LRP6: variants seen among roughly 807,000 people sequenced by gnomAD.
LRP6 encodes low-density lipoprotein receptor-related protein 6.
A neutral mutation model predicts 184.1 loss-of-function variants in LRP6; 43 were observed. The observed-to-expected ratio is 0.23, with a 90% CI of 0.18 to 0.30. LRP6 has a LOEUF of 0.30. Among genes scored for constraint, LRP6 ranks in the 10% least tolerant of loss-of-function variants. LRP6 has a pLI of 1.00. For missense variants in LRP6, 1,571 were observed against 2,005.3 expected (o/e 0.78, Z 4.14); for synonymous variants, 719 against 684.9 (o/e 1.05, Z -0.78).
chr12:12,256,017 A>T (rs914629230), intron 1 of LRP6, among the ~76,000 whole-genome samples: 1 of 152,216 alleles, frequency 6.6e-6, no homozygotes, highest in African/African-American at 2.4e-5. Flanking sequence ...AATAAGGTAC[A>T]TACAGAAAGT....
Position 12,267,027 on chromosome 12 carries a change from G to T in LRP6, c.-292C>A, listed in dbSNP as rs980338068. ...GCTCCTCATTCAGCCTCTGCCTCGCGCAGCGGCGCAGGGATACGGTCGGCA... is the reference window on the plus strand; with the variant it reads ...GCTCCTCATTCAGCCTCTGCCTCGCTCAGCGGCGCAGGGATACGGTCGGCA... On this transcript the variant is annotated 5_prime_UTR_variant, in exon 1 of 23. Transcript: ENST00000261349. The T allele has an allele frequency of 2.1e-6, 1 of 471,550 alleles. No homozygotes were observed. The highest frequency in any genetic ancestry group is 2.1e-5 in the African/African-American group (1 of 47,654). 29.2% of individuals were successfully genotyped at this position (471,550 alleles called of 1,614,324 possible).
intron 15 of LRP6, chr12:12,138,866 G>A: frequency 7.3e-7 from 1 of 1,377,330 alleles, no homozygotes; most frequent in South Asian, 1.1e-5. Flanking sequence ...GAGGAGCAGT[G>A]GTGGTGGACC....
At chr12:12,152,504 C>T (rs1950095839) in intron 12 of LRP6, among the ~76,000 whole-genome samples, 1 of 152,008 alleles carries the variant, frequency 6.6e-6, no homozygotes, top group African/African-American at 2.4e-5. Flanking sequence ...TCAGGCTGGT[C>T]TCGAACTCCT....
intron 2 of LRP6, among the ~76,000 whole-genome samples, chr12:12,222,340 C>T (rs976082092): frequency 1.3e-5 from 2 of 151,706 alleles, no homozygotes; most frequent in Admixed American, 6.6e-5. Context: ...TCGAGGCGGG[C>T]GGATCACCTG....
At chr12:12,203,744 G>A (rs1863977216) in intron 2 of LRP6, among the ~76,000 whole-genome samples, 2 of 152,220 alleles carry the variant, frequency 1.3e-5, no homozygotes, top group African/African-American at 4.8e-5. Context: ...CTCCAGCCTG[G>A]CAACAGAGCA....
chr12:12,184,471 G>A (rs1304414257), intron 4 of LRP6, among the ~76,000 whole-genome samples: 6 of 152,168 alleles, frequency 3.9e-5, no homozygotes, highest in Admixed American at 3.3e-4. Flanking sequence ...AGTCAAATGG[G>A]AAAAAAACCG....
intron 1 of LRP6, chr12:12,249,279 T>C (rs969645930): frequency 9.5e-6 from 10 of 1,052,032 alleles, no homozygotes; most frequent in East Asian, 2.4e-5. Context: ...ATAGTTCTAA[T>C]GGATTGGTGG....
chr12:12,266,632 C>T (rs762699647), intron 1 of LRP6, 49 bp downstream of exon 1: 10 of 1,534,084 alleles, frequency 6.5e-6, no homozygotes, highest in Middle Eastern at 1.7e-4. Flanking sequence ...ACAACAAGGC[C>T]ACCTCCCCCC....
chr12:12,152,593 C>T lies in LRP6; in HGVS notation c.2792-1555G>A, dbSNP rs572649569. Among the ~76,000 whole-genome samples the T allele has an allele frequency of 7.9e-5, 12 of 152,270 alleles. No homozygotes were observed. The East Asian group carries it at 2.3e-3, about 29-fold the overall frequency. The stretch of plus-strand genomic sequence containing the variant: ...AGCCACCATGCCTGGCCAAGAATGA[C>T]TTCTGGGAGACTACCAACAACTTCA... On this transcript the variant is annotated intron_variant, in intron 12 of 22. Coordinates refer to ENST00000261349, the MANE Select transcript of LRP6 (RefSeq NM_002336.3).
At chr12:12,234,835 A>C (rs898098898) in intron 2 of LRP6, among the ~76,000 whole-genome samples, 1 of 152,198 alleles carries the variant, frequency 6.6e-6, no homozygotes, top group East Asian at 1.9e-4. Flanking sequence ...CAAAAAAAAA[A>C]AGAATATACA....
At chr12:12,160,521 G>C (rs1862713705) in intron 10 of LRP6, among the ~76,000 whole-genome samples, 1 of 152,150 alleles carries the variant, frequency 6.6e-6, no homozygotes, top group Admixed American at 6.6e-5. Flanking sequence ...TATGGTCCAA[G>C]GGAGCATACT....
chr12:12,154,976 A>T (rs1950130749), intron 12 of LRP6, among the ~76,000 whole-genome samples: 1 of 152,144 alleles, frequency 6.6e-6, no homozygotes, highest in African/African-American at 2.4e-5. Flanking sequence ...CTGGTGGATC[A>T]CCTGAGGTCA....
At chr12:12,172,858 C>T (rs1406201229) in intron 7 of LRP6, among the ~76,000 whole-genome samples, 2 of 152,152 alleles carry the variant, frequency 1.3e-5, no homozygotes, top group East Asian at 1.9e-4. Context: ...AGTAAAGGGA[C>T]ACCACACACC....
intron 17 of LRP6, among the ~76,000 whole-genome samples, chr12:12,132,425 T>A (rs1949772775): frequency 1.3e-5 from 2 of 152,190 alleles, no homozygotes; most frequent in African/African-American, 4.8e-5. Context: ...GCTCTAAGCT[T>A]CTCAAAGGAT....
intron 20 of LRP6, 88 bp from the exon 21 acceptor site, chr12:12,125,520 A>G (rs953517196): frequency 3.8e-5 from 44 of 1,164,714 alleles, no homozygotes; most frequent in Non-Finnish European, 5.1e-5. Flanking sequence ...GATTACAAAT[A>G]TCAACAGTGA....
At chr12:12,197,543 T>C (rs1483117540) in intron 3 of LRP6, among the ~76,000 whole-genome samples, 1 of 152,236 alleles carries the variant, frequency 6.6e-6, no homozygotes, top group Non-Finnish European at 1.5e-5. Context: ...AATAAGCGCA[T>C]ACTAGTAAGT....
At position 12,121,390 on chromosome 12, in the gene LRP6, T is replaced by G. The variant is rs1473548326; in HGVS notation, c.4578A>C (p.Ala1526=). Residue 1526 remains alanine, a synonymous_variant, in exon 23 of 23, where the codon GCA becomes GCC. Coordinates refer to ENST00000261349, the MANE Select transcript of LRP6 (RefSeq NM_002336.3). The stretch of plus-strand genomic sequence containing the variant: ...CTGTGCTGCAGGGTGTGGTGGGGGG[T>G]GCAAAGTGCCGGTAGCTATATGGCC... ...SYRPYSYRHF[A]PPTTPCSTDV... is the part of the protein sequence containing the mutation. 2 of 1,613,754 alleles carry G rather than the reference T, an allele frequency of 1.2e-6. No homozygotes were observed. The highest frequency in any genetic ancestry group is 2.2e-5 in the South Asian group (2 of 91,042).
intron 1 of LRP6, among the ~76,000 whole-genome samples, chr12:12,250,832 G>A (rs190795726): frequency 6.7e-4 from 102 of 152,092 alleles, no homozygotes; most frequent in African/African-American, 2.3e-3. Flanking sequence ...ATGTTGGCCA[G>A]GCTGGTCTCG....
In LRP6 at chr12:12,125,369, G is replaced by A. The variant is rs376248000; in HGVS notation, c.4376C>T (p.Pro1459Leu). The A allele has an allele frequency of 1.2e-6, 2 of 1,613,950 alleles. No individual in the cohort carries two copies. The highest frequency in any genetic ancestry group is 2.2e-5 in the East Asian group (1 of 44,884). Residue 1459 changes from proline (P) to leucine (L), a missense_variant, in exon 21 of 23, where the codon CCC (proline) becomes CTC (leucine). By Grantham distance (98) the Pro-to-Leu change is moderately conservative. Transcript: ENST00000261349. ...TCCTGTAACATGGGCTCGGTCATAG[G>A]GGGGTCCACTGCTTCCCCCCATGAT... The part of the protein sequence containing the change: ...LSIMGGSSGP[P>L]YDRAHVTGAS...
Sources: allele counts gnomAD v4.1 joint callset (sites outside exome capture counted in the v4.1 genomes callset), GRCh38; gene constraint gnomAD v4.1.1; transcripts MANE v1.5; gene names NCBI Gene and HGNC (gene_info 2026-07-23, HGNC 2026-07-21).